Variants in LRRC4C observed in about 807,000 individuals in gnomAD.
The protein encoded by LRRC4C is leucine rich repeat containing 4C, also known as leucine-rich repeat-containing protein 4C.
A neutral mutation model predicts 33.6 loss-of-function variants in LRRC4C; 5 were observed. That is an observed-to-expected ratio of 0.15 (90% CI 0.08 to 0.31). The LOEUF is 0.31. LRRC4C is among the 10% of genes least tolerant of loss of function. The probability of loss-of-function intolerance (pLI) is 1.00; values close to 1 mark genes in which losing one functional copy is unlikely to be tolerated. For missense variants in LRRC4C, 560 were observed against 796.7 expected (o/e 0.70, Z 3.58); for synonymous variants, 329 against 302.0 (o/e 1.09, Z -0.93).
intron 5 of LRRC4C, among the ~76,000 whole-genome samples, chr11:40,206,379 G>T (rs1863152213): frequency 6.6e-6 from 1 of 151,354 alleles, no homozygotes; most frequent in African/African-American, 2.4e-5. Flanking sequence ...GGGATTACAG[G>T]CACCTGCCAT....
intron 1 of LRRC4C, among the ~76,000 whole-genome samples, chr11:41,239,543 C>T (rs1284087126): frequency 6.6e-6 from 1 of 152,016 alleles, no homozygotes; most frequent in East Asian, 1.9e-4. Flanking sequence ...ATTTATCTCC[C>T]CTAGGTAGAT....
chr11:40,141,254 T>C (rs1424473510), intron 5 of LRRC4C, among the ~76,000 whole-genome samples: 1 of 152,100 alleles, frequency 6.6e-6, no homozygotes, highest in Non-Finnish European at 1.5e-5. Context: ...TCAAATGGGA[T>C]GTTAAGAATC....
chr11:40,761,101 A>C (rs1370676019), intron 2 of LRRC4C, among the ~76,000 whole-genome samples: 1 of 151,756 alleles, frequency 6.6e-6, no homozygotes, highest in Non-Finnish European at 1.5e-5. Context: ...ATTATGTTTA[A>C]TTTTAGTTTG....
At chr11:40,355,328 G>T (rs183936495) in intron 3 of LRRC4C, among the ~76,000 whole-genome samples, 2 of 152,194 alleles carry the variant, frequency 1.3e-5, no homozygotes, top group African/African-American at 2.4e-5. Flanking sequence ...ACCACTGCTG[G>T]TGTCTCACTA....
chr11:40,697,940 C>T (rs1379036557), intron 2 of LRRC4C, among the ~76,000 whole-genome samples: 15 of 151,746 alleles, frequency 9.9e-5, no homozygotes, highest in South Asian at 8.3e-4. Context: ...TGGTGGCGGG[C>T]GCCTGTAGTC....
chr11:41,084,797 C>T (rs1201238039), intron 1 of LRRC4C, among the ~76,000 whole-genome samples: 1 of 152,044 alleles, frequency 6.6e-6, no homozygotes, highest in Non-Finnish European at 1.5e-5. Context: ...TGCAGTGAGC[C>T]AAGATCACGC....
rs1272249154 is a variant in LRRC4C at position 40,823,358 on chromosome 11, G to A, written c.-407+110277C>T. ...GATTTCATAAAAATTTGAAAACTCT[G>A]TGCTTCAGAAGACAAGGAATGATTT... On this transcript the variant is annotated intron_variant, in intron 2 of 6. Coordinates refer to ENST00000528697, the MANE Select transcript of LRRC4C (RefSeq NM_001258419.2). Among the ~76,000 whole-genome samples the A allele has an allele frequency of 2.0e-5, 3 of 151,690 alleles. No individual in the cohort carries two copies. In the Admixed American group the frequency reaches 2.0e-4, roughly 10 times the overall value.
intron 1 of LRRC4C, among the ~76,000 whole-genome samples, chr11:41,161,949 T>C (rs1485686473): frequency 2.0e-5 from 3 of 152,158 alleles, no homozygotes; most frequent in African/African-American, 7.2e-5. Flanking sequence ...ACAACTGTGA[T>C]TTATTGTGGA....
At chr11:40,984,363 A>AAAAG (rs61226519) in intron 1 of LRRC4C, among the ~76,000 whole-genome samples, 19,634 of 119,546 alleles carry the variant, frequency 0.16, 1,544 homozygotes, top group East Asian at 0.26. Context: ...AAAGAAAGAA[A>AAAAG]AAAGAAAGAA....
chr11:40,725,770 A>G (rs1315071001), intron 2 of LRRC4C, among the ~76,000 whole-genome samples: 1 of 152,186 alleles, frequency 6.6e-6, no homozygotes, highest in Non-Finnish European at 1.5e-5. Context: ...TCAGCTTTTT[A>G]AAAATGAAGT....
chr11:40,791,089 A>G (rs752322446), intron 2 of LRRC4C, among the ~76,000 whole-genome samples: 14 of 152,090 alleles, frequency 9.2e-5, no homozygotes, highest in Non-Finnish European at 2.1e-4. Flanking sequence ...TTTGTGTTCC[A>G]GATAAGGATT....
chr11:40,580,736 G>A (rs1032668668), intron 3 of LRRC4C, among the ~76,000 whole-genome samples: 1 of 152,108 alleles, frequency 6.6e-6, no homozygotes, highest in Non-Finnish European at 1.5e-5. Context: ...AATTGCTGGT[G>A]ATGAAATTTA....
intron 2 of LRRC4C, among the ~76,000 whole-genome samples, chr11:40,858,016 A>AGGAAG (rs146464048): frequency 0.037 from 5,150 of 139,146 alleles, 189 homozygotes; most frequent in African/African-American, 0.063. Flanking sequence ...GGACAAGGAA[A>AGGAAG]GGAAGGGAAG....
At chr11:41,005,696 C>A (rs532506428) in intron 1 of LRRC4C, among the ~76,000 whole-genome samples, 1 of 152,130 alleles carries the variant, frequency 6.6e-6, no homozygotes, top group African/African-American at 2.4e-5. Flanking sequence ...GCTGGCTTCC[C>A]TTTGCCTCCT....
chr11:40,965,574 G>C (rs1176605382), intron 1 of LRRC4C, among the ~76,000 whole-genome samples: 1 of 152,066 alleles, frequency 6.6e-6, no homozygotes, highest in African/African-American at 2.4e-5. Context: ...TCCAGTTTCA[G>C]CTTTCCACAT....
intron 2 of LRRC4C, among the ~76,000 whole-genome samples, chr11:40,748,231 T>G (rs1355527941): frequency 6.6e-6 from 1 of 151,840 alleles, no homozygotes; most frequent in Non-Finnish European, 1.5e-5. Context: ...ACTTTTCAGG[T>G]CAGCAAAGAA....
intron 1 of LRRC4C, among the ~76,000 whole-genome samples, chr11:40,946,514 G>T (rs192281463): frequency 6.6e-6 from 1 of 152,238 alleles, no homozygotes; most frequent in South Asian, 2.1e-4. Flanking sequence ...TCTCTAAACC[G>T]CTTTCCACAG....
At chr11:40,194,801 G>A (rs183342556) in intron 5 of LRRC4C, among the ~76,000 whole-genome samples, 8 of 152,166 alleles carry the variant, frequency 5.3e-5, no homozygotes, top group South Asian at 2.1e-4. Context: ...TAAAGAAGAC[G>A]ACTGCGGCCG....
rs1949052756 is a variant in LRRC4C at position 41,263,624 on chromosome 11, C to T, written c.-496+195807G>A. 2.0e-5 allele frequency among the ~76,000 whole-genome samples: 3 copies of T among 152,042 alleles called. No homozygotes were observed. The South Asian group carries it at 6.2e-4, about 31-fold the overall frequency. ...ACATTGAATATGTTTTGAGTTTCTG[C>T]TTTGAGTATTTAATATTTTTTCAGT... On this transcript the variant is annotated intron_variant, in intron 1 of 6. Coordinates refer to ENST00000528697, the MANE Select transcript of LRRC4C (RefSeq NM_001258419.2).
Sources: gnomAD v4.1 joint callset for allele counts (sites outside exome capture counted in the v4.1 genomes callset) on GRCh38, gnomAD v4.1.1 for gene constraint, MANE v1.5 for transcripts, NCBI Gene and HGNC (gene_info 2026-07-23, HGNC 2026-07-21) for gene names.